Variants in MCF2L2 observed in about 807,000 individuals in gnomAD.
MCF2L2 encodes the protein MCF.2 cell line derived transforming sequence-like 2.
Under a neutral mutation model 150.2 loss-of-function variants are expected in MCF2L2, and 102 were observed. That is an observed-to-expected ratio of 0.68 (90% confidence interval 0.58 to 0.80). The LOEUF (loss-of-function observed/expected upper bound fraction) is 0.80, where lower values mean the gene tolerates loss of function less well. Ranked by LOEUF, MCF2L2 falls within the 30% of genes least tolerant of loss-of-function variation. The pLI is 0.00. For missense variants in MCF2L2, 1,256 were observed against 1,372.8 expected (o/e 0.91, Z 1.34); for synonymous variants, 465 against 491.3 (o/e 0.95, Z 0.71).
At chr3:183,414,115 T>C (rs552213189) in intron 1 of MCF2L2, among the ~76,000 whole-genome samples, 3 of 152,352 alleles carry the variant, frequency 2.0e-5, no homozygotes, top group Non-Finnish European at 4.4e-5. Context: ...ATATTCTCAC[T>C]TCTTCTATTT....
chr3:183,326,263 G>A (rs951598230), intron 5 of MCF2L2, among the ~76,000 whole-genome samples: 59 of 151,988 alleles, frequency 3.9e-4, no homozygotes, highest in East Asian at 3.9e-4. Flanking sequence ...AGGCGGAGGC[G>A]GACAGATCAC....
At chr3:183,371,556 C>T (rs1712883844) in intron 3 of MCF2L2, among the ~76,000 whole-genome samples, 1 of 151,390 alleles carries the variant, frequency 6.6e-6, no homozygotes, top group Non-Finnish European at 1.5e-5. Flanking sequence ...CAACCTCCGC[C>T]TCCTGGGTCC....
At chr3:183,253,661 G>C (rs931101602) in intron 15 of MCF2L2, 2 of 152,336 alleles carry the variant, frequency 1.3e-5, no homozygotes, top group Non-Finnish European at 2.9e-5. Flanking sequence ...CTGCGTTAGA[G>C]CTCCCGCTCG....
chr3:183,394,186 T>A (rs1298255751), intron 1 of MCF2L2, among the ~76,000 whole-genome samples: 1 of 152,162 alleles, frequency 6.6e-6, no homozygotes, highest in African/African-American at 2.4e-5. Flanking sequence ...AAACTAGATC[T>A]CAACAACTGA....
chr3:183,216,658 G>GC (rs1722956513), intron 21 of MCF2L2, among the ~76,000 whole-genome samples: 1 of 132,626 alleles, frequency 7.5e-6, no homozygotes, highest in Admixed American at 7.9e-5. Flanking sequence ...AGGCTGGAGT[G>GC]CAGAGGCACG....
Position 183,425,405 on chromosome 3 carries a change from C to A in MCF2L2, c.76+2497G>T, listed in dbSNP as rs547690629. Among the ~76,000 whole-genome samples, 18 of 152,078 alleles carry A rather than the reference C, an allele frequency of 1.2e-4. 1 individual carries two copies. In the South Asian group the frequency reaches 3.7e-3, roughly 32 times the overall value. On this transcript the variant is annotated intron_variant, in intron 1 of 29. Transcript: ENST00000328913. ...CTAGGATAGGACCCGGAGAATGTTC[C>A]AACCCAAAGCCTTGCTCCAAGCACC...
At chr3:183,321,629 T>A (rs531716982) in intron 6 of MCF2L2, among the ~76,000 whole-genome samples, 48 of 152,192 alleles carry the variant, frequency 3.2e-4, no homozygotes, top group African/African-American at 1.1e-3. Context: ...AATTGCAATA[T>A]CTGTGAAGCC....
chr3:183,294,586 T>C (rs927625295), intron 13 of MCF2L2, among the ~76,000 whole-genome samples: 1 of 148,700 alleles, frequency 6.7e-6, no homozygotes, highest in Non-Finnish European at 1.5e-5. Flanking sequence ...TATGTGTATA[T>C]ACATATATGT....
intron 7 of MCF2L2, among the ~76,000 whole-genome samples, chr3:183,316,332 TTTTTG>T (rs138800644): frequency 5.2e-4 from 78 of 150,866 alleles, no homozygotes; most frequent in Admixed American, 8.6e-4. Flanking sequence ...TTTTGGTGTT[TTTTTG>T]TTTTGTTTTG....
chr3:183,229,389 T>C (rs915088471), intron 17 of MCF2L2, among the ~76,000 whole-genome samples: 1 of 152,176 alleles, frequency 6.6e-6, no homozygotes, highest in African/African-American at 2.4e-5. Context: ...AAAATGCTGA[T>C]GCATGAATAA....
chr3:183,295,873 G>T (rs1318547152), intron 12 of MCF2L2, among the ~76,000 whole-genome samples: 1 of 152,092 alleles, frequency 6.6e-6, no homozygotes, highest in African/African-American at 2.4e-5. Context: ...CAGGAGAATC[G>T]CTTGAACCCA....
At chr3:183,365,017 G>A (rs1712443460) in intron 3 of MCF2L2, among the ~76,000 whole-genome samples, 2 of 152,102 alleles carry the variant, frequency 1.3e-5, no homozygotes, top group Admixed American at 6.5e-5. Context: ...TAAAGCAAGT[G>A]TAATATTGAT....
At chr3:183,288,688 GC>G (rs749247852) in intron 14 of MCF2L2, among the ~76,000 whole-genome samples, 18 of 152,010 alleles carry the variant, frequency 1.2e-4, no homozygotes, top group Non-Finnish European at 2.5e-4. Context: ...CACCATGCTA[GC>G]CAGACTGGTC....
intron 1 of MCF2L2, among the ~76,000 whole-genome samples, chr3:183,405,131 A>G (rs1028357454): frequency 1.3e-5 from 2 of 152,216 alleles, no homozygotes; most frequent in African/African-American, 4.8e-5. Flanking sequence ...TATGTATTAT[A>G]CATATAAAGA....
intron 15 of MCF2L2, chr3:183,253,659 G>A (rs1370189132): frequency 6.6e-6 from 1 of 152,326 alleles, no homozygotes; most frequent in Non-Finnish European, 1.5e-5. Flanking sequence ...GCCTGCGTTA[G>A]AGCTCCCGCT....
At chr3:183,340,697 C>A (rs528294731) in intron 4 of MCF2L2, among the ~76,000 whole-genome samples, 1 of 152,252 alleles carries the variant, frequency 6.6e-6, no homozygotes, top group South Asian at 2.1e-4. Context: ...AATCCCAACA[C>A]TTTGGGAGGC....
chr3:183,346,017 C>T (rs1432147444), intron 3 of MCF2L2, among the ~76,000 whole-genome samples: 1 of 152,204 alleles, frequency 6.6e-6, no homozygotes, highest in Non-Finnish European at 1.5e-5. Context: ...ACCATTTCTT[C>T]TGAAACTATT....
intron 15 of MCF2L2, among the ~76,000 whole-genome samples, chr3:183,240,460 C>T (rs552990804): frequency 1.3e-5 from 2 of 152,326 alleles, no homozygotes; most frequent in East Asian, 3.9e-4. Flanking sequence ...CTCAGGTGAT[C>T]TGCCACCTAG....
At chr3:183,196,772 C>G (rs902421485) in intron 25 of MCF2L2, among the ~76,000 whole-genome samples, 3 of 152,184 alleles carry the variant, frequency 2.0e-5, no homozygotes, top group Admixed American at 6.5e-5. Flanking sequence ...CACAACACCT[C>G]TGGGCCTTTC....
Sources: allele counts gnomAD v4.1 joint callset (sites outside exome capture counted in the v4.1 genomes callset), GRCh38; gene constraint gnomAD v4.1.1; transcripts MANE v1.5; gene names NCBI Gene and HGNC (gene_info 2026-07-23, HGNC 2026-07-21).